MCM6: variants seen among roughly 807,000 people sequenced by gnomAD.
MCM6 encodes the protein minichromosome maintenance complex component 6, also known as DNA replication licensing factor MCM6.
In MCM6, 46 loss-of-function variants were observed where a neutral mutation model predicts 94.3. The observed-to-expected ratio is 0.49, with a 90% CI of 0.39 to 0.62. The LOEUF is 0.62. MCM6 is among the 20% of genes least tolerant of loss of function. MCM6 has a pLI of 0.00. For synonymous variants in MCM6, 335 were observed against 351.9 expected, an observed-to-expected ratio of 0.95 and a Z score of 0.54; for missense variants, 865 against 1,017.9, an observed-to-expected ratio of 0.85 and a Z score of 2.04.
At chr2:135,855,263 C>T (rs1679850334) in intron 11 of MCM6, among the ~76,000 whole-genome samples, 1 of 152,164 alleles carries the variant, frequency 6.6e-6, no homozygotes, top group Admixed American at 6.5e-5. Context: ...ACTAAAGCTA[C>T]TTTAATGAAT....
intron 15 of MCM6, among the ~76,000 whole-genome samples, chr2:135,844,946 A>C (rs1351757556): frequency 1.3e-5 from 2 of 152,236 alleles, no homozygotes; most frequent in East Asian, 1.9e-4. Context: ...ATGTTTCTTA[A>C]AGCTATTAAG....
chr2:135,858,214 T>C (rs577331492), intron 9 of MCM6, among the ~76,000 whole-genome samples: 1 of 151,118 alleles, frequency 6.6e-6, no homozygotes, highest in African/African-American at 2.4e-5. Flanking sequence ...AACGGCCGAG[T>C]GTGGGGGCTC....
At chr2:135,841,007 G>T (rs925956789) in intron 16 of MCM6, 56 bp from the exon 17 acceptor site, 23 of 1,242,542 alleles carry the variant, frequency 1.9e-5, no homozygotes, top group Non-Finnish European at 8.3e-6. Context: ...CCAATGTCCA[G>T]ATATACAAGA....
rs565622134 is a variant in MCM6 at position 135,852,944 on chromosome 2, T to C, written c.1627-29A>G. On this transcript the variant is annotated intron_variant, in intron 11 of 16. Coordinates refer to ENST00000264156, the MANE Select transcript of MCM6 (RefSeq NM_005915.6). ...ATTCAAAACAAAAAAATCACTTTGA[T>C]AGTCACAGCAATATCTTCTCCAGAC... 13 of 1,569,486 alleles carry C rather than the reference T, an allele frequency of 8.3e-6. No homozygotes were observed. In the African/African-American group the frequency reaches 1.1e-4, roughly 13 times the overall value.
rs1263866778 is a variant in MCM6 at position 135,842,133 on chromosome 2, T to TAAAC, written c.2350-1183_2350-1182insGTTT. On this transcript the variant is annotated intron_variant, in intron 16 of 16. Transcript: ENST00000264156. ...ATAAATAAATAAATAAATAAATAAA[T>TAAAC]AGGTAATTCAAGTTTAGATCAGTTA... is the stretch of plus-strand genomic sequence containing the variant. Among the ~76,000 whole-genome samples, 8 of 151,954 alleles carry TAAAC rather than the reference T, an allele frequency of 5.3e-5. No individual in the cohort carries two copies. In the South Asian group the frequency reaches 8.3e-4, roughly 16 times the overall value.
rs926599270 is a variant in MCM6 at position 135,853,057 on chromosome 2, T to A, written c.1627-142A>T. The stretch of plus-strand genomic sequence containing the variant: ...GTATTAATGGGTACCAAGTTTCTGA[T>A]GAAAGTTTGGGAACAGGTGGATTTA... On this transcript the variant is annotated intron_variant, in intron 11 of 16. Coordinates refer to ENST00000264156, the MANE Select transcript of MCM6 (RefSeq NM_005915.6). 15 of 661,800 alleles carry A rather than the reference T, an allele frequency of 2.3e-5. No homozygotes were observed. The East Asian group carries it at 4.7e-4, about 21-fold the overall frequency. The allele number at this position is 661,800 out of a possible 1,614,324, so 41.0% of individuals were successfully genotyped here.
chr2:135,870,480 T>C (rs1680180056), intron 2 of MCM6, 119 bp from the exon 3 acceptor site: 1 of 702,412 alleles, frequency 1.4e-6, no homozygotes, highest in African/African-American at 1.8e-5. Context: ...ACCTTAGAAC[T>C]TAACTGTGTA....
At chr2:135,866,079 G>C in intron 6 of MCM6, 53 bp downstream of exon 6, 4 of 1,602,038 alleles carry the variant, frequency 2.5e-6, no homozygotes, top group Non-Finnish European at 1.7e-6. Context: ...TCCAGCCTGG[G>C]TGACAGAGAG....
At chr2:135,867,981 C>T (rs189389567) in intron 4 of MCM6, among the ~76,000 whole-genome samples, 4 of 151,968 alleles carry the variant, frequency 2.6e-5, no homozygotes, top group African/African-American at 4.8e-5. Flanking sequence ...GAGCCGAGAT[C>T]GCGCCACTGC....
At position 135,851,566 on chromosome 2, in the gene MCM6, G is replaced by T; in HGVS notation, c.1756-3C>A. The T allele has an allele frequency of 6.3e-7, 1 of 1,589,684 alleles. No homozygotes were observed. The highest frequency in any genetic ancestry group is 8.6e-7 in the Non-Finnish European group (1 of 1,166,346). On this transcript the variant is annotated splice_polypyrimidine_tract_variant and splice_region_variant and intron_variant, in intron 12 of 16. Coordinates refer to ENST00000264156, the MANE Select transcript of MCM6 (RefSeq NM_005915.6). ...AAGTCCTCTGACTCTTTGGAAATCT[G>T]TTTCAGATCATCACTCAAGTTAGAG...
At chr2:135,851,700 T>C (rs1679782583) in intron 12 of MCM6, 137 bp from the exon 13 acceptor site, 1 of 565,200 alleles carries the variant, frequency 1.8e-6, no homozygotes, top group Non-Finnish European at 2.9e-6. Context: ...CCAGTGACAA[T>C]AAATTACTAT....
intron 13 of MCM6, among the ~76,000 whole-genome samples, chr2:135,848,895 C>T (rs1254109460): frequency 4.6e-5 from 7 of 150,838 alleles, no homozygotes; most frequent in African/African-American, 1.5e-4. Flanking sequence ...AAAAACAAAA[C>T]AAAACAAAAA....
intron 16 of MCM6, among the ~76,000 whole-genome samples, chr2:135,842,263 C>T (rs1679587049): frequency 6.6e-6 from 1 of 152,198 alleles, no homozygotes; most frequent in African/African-American, 2.4e-5. Context: ...ACTAGAAAAG[C>T]AACTCTGGAC....
chr2:135,840,824 C>T lies in MCM6; in HGVS notation c.*11G>A. 1 of 1,588,160 alleles carries T rather than the reference C, an allele frequency of 6.3e-7. No homozygotes were observed. The highest frequency in any genetic ancestry group is 2.2e-5 in the East Asian group (1 of 44,750). ...ACAGTTCCTCAGCTCTGGTCAGTTA[C>T]TTTCACTATCTCAATCTTCGAGCAA... On this transcript the variant is annotated 3_prime_UTR_variant, in exon 17 of 17. Transcript: ENST00000264156.
intron 8 of MCM6, 38 bp from the exon 9 acceptor site, chr2:135,859,480 G>GATT: frequency 6.8e-7 from 1 of 1,480,966 alleles, no homozygotes; most frequent in South Asian, 1.2e-5. Context: ...ATTAATATGT[G>GATT]ATTATACAGC....
chr2:135,873,730 G>A (rs911065356), intron 1 of MCM6, among the ~76,000 whole-genome samples: 21 of 152,304 alleles, frequency 1.4e-4, no homozygotes, highest in African/African-American at 4.8e-4. Context: ...CACTTTGTCT[G>A]CGTCTAGGGA....
Position 135,852,800 on chromosome 2 carries a change from T to C in MCM6, c.1742A>G (p.Gln581Arg). The C allele has an allele frequency of 6.3e-7, 1 of 1,592,408 alleles. No homozygotes were observed. The highest frequency in any genetic ancestry group is 8.5e-7 in the Non-Finnish European group (1 of 1,171,284). The change falls in exon 12 of 17, where the codon CAG becomes CGG. Residue 581 changes from glutamine to arginine, a missense_variant. Around this residue, in one of 3 missense-constraint regions of MCM6, gnomAD observed 308 missense variants for 324.5 expected, o/e 0.95. Coordinates refer to ENST00000264156, the MANE Select transcript of MCM6 (RefSeq NM_005915.6). ...DIRRYLLFAR[Q>R]FKPKISKESE... ...AGGGTAGGTTACCTTGGGTTTAAAC[T>C]GTCTTGCAAAGAGAAGATATCTTCT... is the stretch of plus-strand genomic sequence containing the variant.
chr2:135,869,402 G>GAAAA (rs1454791999), intron 3 of MCM6, among the ~76,000 whole-genome samples: 1 of 47,666 alleles, frequency 2.1e-5, no homozygotes, highest in African/African-American at 6.6e-5. Context: ...CTCTGTCTCA[G>GAAAA]AAAAAAAAAA....
chr2:135,867,378 C>A (rs1055126557), intron 4 of MCM6, among the ~76,000 whole-genome samples: 6 of 151,946 alleles, frequency 3.9e-5, no homozygotes, highest in Admixed American at 2.0e-4. Flanking sequence ...TTCCCCCCCC[C>A]AAACTAAGAC....
Sources: gnomAD v4.1 joint callset for allele counts (sites outside exome capture counted in the v4.1 genomes callset) on GRCh38, gnomAD v4.1.1 for gene constraint, gnomAD v4.1.1 regional missense constraint, MANE v1.5 for transcripts, NCBI Gene and HGNC (gene_info 2026-07-23, HGNC 2026-07-21) for gene names.